Variants in DMD observed in about 807,000 individuals in gnomAD.
DMD encodes mutant dystrophin.
Under a neutral mutation model 330.1 loss-of-function variants are expected in DMD, and 63 were observed. That is an observed-to-expected ratio of 0.19 (90% CI 0.16 to 0.24). The LOEUF (loss-of-function observed/expected upper bound fraction) is 0.24. Ranked by LOEUF, DMD falls within the 10% of genes least tolerant of loss-of-function variation. The pLI, the probability that DMD is intolerant of heterozygous loss-of-function variation, is 1.00. For missense variants in DMD, 3,344 were observed against 2,684.1 expected (o/e 1.25, Z -5.43); for synonymous variants, 1,223 against 959.8 (o/e 1.27, Z -5.07).
chrX:31,789,102 A>G (rs1446476900), intron 50 of DMD, among the ~76,000 whole-genome samples: 2 of 111,366 alleles, frequency 1.8e-5, no homozygotes, highest in South Asian at 3.7e-4. Context: ...GTAGGAATTT[A>G]CTACTGCCAT....
intron 13 of DMD, among the ~76,000 whole-genome samples, chrX:32,578,911 A>T (rs770807193): frequency 4.5e-5 from 5 of 111,961 alleles, no homozygotes; most frequent in Non-Finnish European, 7.5e-5. Flanking sequence ...TCTCTGCTAA[A>T]TGAATTTTAT....
intron 57 of DMD, among the ~76,000 whole-genome samples, chrX:31,486,330 C>T (rs936919941): frequency 1.8e-5 from 2 of 112,342 alleles, no homozygotes; most frequent in Non-Finnish European, 3.8e-5. Context: ...AGATGCAAAA[C>T]AGGCTTGCAG....
At chrX:32,511,524 G>GGGA (rs766801853) in intron 18 of DMD, among the ~76,000 whole-genome samples, 12,902 of 50,473 alleles carry the variant, frequency 0.26, 1,684 homozygotes, top group East Asian at 0.41. Flanking sequence ...TCCGTCTCGG[G>GGGA]AAAAAAAAAA....
intron 59 of DMD, among the ~76,000 whole-genome samples, chrX:31,463,114 T>C (rs2066637196): frequency 8.9e-6 from 1 of 112,142 alleles, no homozygotes; most frequent in African/African-American, 3.2e-5. Context: ...AGAAATTTCA[T>C]GCTCATGGAA....
Position 31,879,531 on chromosome X carries a change from C to T in DMD, c.6913-4158G>A, listed in dbSNP as rs184503859. Among the ~76,000 whole-genome samples the T allele has an allele frequency of 4.0e-3, 446 of 111,894 alleles. 1 individual carries two copies. Among genetic ancestry groups the T allele is most frequent in the South Asian group, 8.6e-3 (23 of 2,659 alleles). Reference sequence around the variant, plus strand: ...ACTGTACCAGCTCATCTTCCTACCACAAAATGTTGTTGAGAAATTACACTT... The same window carrying T: ...ACTGTACCAGCTCATCTTCCTACCATAAAATGTTGTTGAGAAATTACACTT... On this transcript the variant is annotated intron_variant, in intron 47 of 78. Transcript: ENST00000357033.
At chrX:31,449,791 TATATATAG>T (rs1353051409) in intron 59 of DMD, among the ~76,000 whole-genome samples, 7 of 88,261 alleles carry the variant, frequency 7.9e-5, no homozygotes, top group African/African-American at 9.1e-5. Context: ...TATATATATA[TATATATAG>T]ATAGATAGAT....
At chrX:32,654,586 A>G (rs1026444434) in intron 9 of DMD, among the ~76,000 whole-genome samples, 17 of 107,786 alleles carry the variant, frequency 1.6e-4, no homozygotes, top group Non-Finnish European at 2.5e-4. Flanking sequence ...ATCAATGTTC[A>G]TCAAGGATAT....
At chrX:32,902,531 C>A (rs1190673098) in intron 2 of DMD, among the ~76,000 whole-genome samples, 4 of 110,671 alleles carry the variant, frequency 3.6e-5, no homozygotes, top group African/African-American at 1.0e-4. Context: ...CCATCCCTGG[C>A]ATAGGAGTAT....
chrX:32,770,463 G>A (rs779130325), intron 7 of DMD, among the ~76,000 whole-genome samples: 2 of 111,482 alleles, frequency 1.8e-5, no homozygotes, highest in African/African-American at 3.3e-5. Context: ...AAATGTTTAC[G>A]TGTTCTTGGA....
At chrX:31,928,076 T>A (rs1003358975) in intron 47 of DMD, among the ~76,000 whole-genome samples, 1 of 112,190 alleles carries the variant, frequency 8.9e-6, no homozygotes, top group African/African-American at 3.2e-5. Context: ...TATTATTCAG[T>A]CATAAAAAGG....
chrX:32,133,073 C>A (rs1423392690), intron 44 of DMD, among the ~76,000 whole-genome samples: 1 of 96,782 alleles, frequency 1.0e-5, no homozygotes. Flanking sequence ...GTGGCACAAT[C>A]TTTTGGCTCA....
intron 1 of DMD, among the ~76,000 whole-genome samples, chrX:33,037,868 T>C (rs1478971646): frequency 8.9e-6 from 1 of 112,274 alleles, no homozygotes; most frequent in Non-Finnish European, 1.9e-5. Context: ...TTATAGAAGT[T>C]ACTAATTGCA....
intron 47 of DMD, among the ~76,000 whole-genome samples, chrX:31,909,875 T>A (rs1001369913): frequency 5.4e-5 from 6 of 111,410 alleles, no homozygotes; most frequent in South Asian, 3.6e-4. Flanking sequence ...TCAAACATTA[T>A]GTTCCAGAAG....
chrX:32,643,337 C>CTT (rs78609842), intron 11 of DMD, among the ~76,000 whole-genome samples: 12 of 101,039 alleles, frequency 1.2e-4, no homozygotes, highest in African/African-American at 3.6e-4. Context: ...TTCCTTGGTC[C>CTT]TTTTTTTTTT....
At chrX:31,496,667 G>T in intron 57 of DMD, 121 bp downstream of exon 57, 1 of 828,039 alleles carries the variant, frequency 1.2e-6, no homozygotes, top group Non-Finnish European at 1.7e-6. Context: ...ATTGACCCTT[G>T]GGTGAGAAGA....
chrX:33,072,645 G>A (rs2094777197), intron 1 of DMD, among the ~76,000 whole-genome samples: 1 of 111,385 alleles, frequency 9.0e-6, no homozygotes, highest in South Asian at 3.8e-4. Flanking sequence ...AAGTTAAAAG[G>A]TCATAAGGCC....
chrX:32,936,165 G>T (rs1046747152), intron 2 of DMD, among the ~76,000 whole-genome samples: 5 of 108,486 alleles, frequency 4.6e-5, no homozygotes, highest in Admixed American at 4.0e-4. Context: ...AGGCTGGAGT[G>T]CAATGGCGCC....
intron 45 of DMD, among the ~76,000 whole-genome samples, chrX:31,940,050 C>T (rs953987930): frequency 2.7e-5 from 3 of 111,921 alleles, no homozygotes. Flanking sequence ...GCAGCAATCC[C>T]TGCCTCATGG....
intron 4 of DMD, among the ~76,000 whole-genome samples, chrX:32,831,697 T>TGA (rs1432465403): frequency 3.2e-4 from 33 of 101,693 alleles, no homozygotes; most frequent in Non-Finnish European, 5.4e-4. Context: ...TGTGTGTGTG[T>TGA]GATGTGTGGT....
Sources: gnomAD v4.1 joint callset for allele counts (sites outside exome capture counted in the v4.1 genomes callset) on GRCh38, gnomAD v4.1.1 for gene constraint, MANE v1.5 for transcripts, NCBI Gene and HGNC (gene_info 2026-07-23, HGNC 2026-07-21) for gene names.